Variants in ABCC5 observed in about 807,000 individuals in gnomAD.
ABCC5 encodes ATP binding cassette subfamily C member 5.
In ABCC5, 61 loss-of-function variants were observed where a neutral mutation model predicts 160.9. That is an observed-to-expected ratio of 0.38 (90% CI 0.31 to 0.47). The LOEUF is 0.47. Ranked by LOEUF, ABCC5 falls within the 20% of genes least tolerant of loss-of-function variation. The pLI, the probability that ABCC5 is intolerant of heterozygous loss-of-function variation, is 0.99. For missense variants in ABCC5, 1,308 were observed against 1,813.3 expected, an observed-to-expected ratio of 0.72 and a Z score of 5.06; for synonymous variants, 666 against 700.6, an observed-to-expected ratio of 0.95 and a Z score of 0.78.
At position 183,965,554 on chromosome 3, in the gene ABCC5, T is replaced by C. The variant is rs537936144; in HGVS notation, c.1834-53A>G. ...ATCATAACTCAAAACCATCACCCTA[T>C]GCCAACGGAACCCCCACCTTCCACA... is the stretch of plus-strand genomic sequence containing the variant. On this transcript the variant is annotated intron_variant, in intron 12 of 29. Coordinates refer to ENST00000334444, the MANE Select transcript of ABCC5 (RefSeq NM_005688.4). 8.4e-5 allele frequency: 134 copies of C among 1,602,282 alleles called. No homozygotes were observed. The Middle Eastern group carries it at 1.7e-3, about 20-fold the overall frequency.
chr3:183,969,522 T>C (rs557253878), intron 11 of ABCC5, among the ~76,000 whole-genome samples: 1 of 152,050 alleles, frequency 6.6e-6, no homozygotes, highest in Non-Finnish European at 1.5e-5. Context: ...TGAAACCCCG[T>C]CTCTACTAAA....
At chr3:183,957,026 C>T (rs1257000094) in intron 17 of ABCC5, among the ~76,000 whole-genome samples, 1 of 143,868 alleles carries the variant, frequency 7.0e-6, no homozygotes, top group East Asian at 2.1e-4. Context: ...GTGTGTACAT[C>T]ACATCGGTTA....
chr3:183,947,425 T>G lies in ABCC5; in HGVS notation c.3313A>C (p.Ile1105Leu), dbSNP rs199569867. Residue 1105 changes from isoleucine (I) to leucine (L), a missense_variant, in exon 23 of 30, where the codon ATC becomes CTC. By Grantham distance (5) the Ile-to-Leu change is conservative. Coordinates refer to ENST00000334444, the MANE Select transcript of ABCC5 (RefSeq NM_005688.4). ...GTGGTGGTGATGAGGGCGATGCTGA[T>G]GAGGTCCAGCCGCACAGCCAGCCAC... ...MRWLAVRLDL[I>L]SIALITTTGL... 2.5e-6 allele frequency: 4 copies of G among 1,613,666 alleles called. No homozygotes were observed. Among genetic ancestry groups the G allele is most frequent in the Non-Finnish European group, 3.4e-6 (4 of 1,179,802 alleles).
intron 12 of ABCC5, among the ~76,000 whole-genome samples, chr3:183,966,608 A>G (rs1311290480): frequency 1.3e-5 from 2 of 150,962 alleles, no homozygotes; most frequent in Non-Finnish European, 3.0e-5. Context: ...CCCTCCCCCC[A>G]TCTCTGTCTC....
intron 2 of ABCC5, among the ~76,000 whole-genome samples, chr3:184,003,061 G>A (rs527307722): frequency 9.9e-5 from 15 of 152,052 alleles, no homozygotes; most frequent in Non-Finnish European, 1.9e-4. Context: ...GACAATGGGC[G>A]CCTCTTCAAA....
In ABCC5 at chr3:183,963,313, T is replaced by C. The variant is rs559889628; in HGVS notation, c.2235+72A>G. On this transcript the variant is annotated intron_variant, in intron 15 of 29. Transcript: ENST00000334444. The surrounding 1 kb of genome is among the most constrained non-coding windows in gnomAD (Gnocchi z 4.6). ...TTTCTAGTTATAACACAAGGATACC[T>C]GGAGCAAACCTACCTCCCTGTTTCT... is the stretch of plus-strand genomic sequence containing the variant. 6 of 1,518,452 alleles carry C rather than the reference T, an allele frequency of 4.0e-6. No homozygotes were observed. Among genetic ancestry groups the C allele is most frequent in the Non-Finnish European group, 5.5e-6 (6 of 1,093,964 alleles). 94.1% of individuals were successfully genotyped at this position (1,518,452 alleles called of 1,614,324 possible).
Position 183,961,552 on chromosome 3 carries a change from T to C in ABCC5, c.2338A>G (p.Ile780Val). Reference protein sequence around the residue: ...LMNLNGDYATIFNNLLLGETP... With the variant: ...LMNLNGDYATVFNNLLLGETP... Reference sequence around the variant, plus strand: ...TCTCCCAGCAACAGGTTATTAAAAATGGTAGCATAGTCACCATTTAAATTC... The same window carrying C: ...TCTCCCAGCAACAGGTTATTAAAAACGGTAGCATAGTCACCATTTAAATTC... The change falls in exon 16 of 30, where the codon ATT (isoleucine) becomes GTT (valine). Residue 780 changes from isoleucine (I) to valine (V), a missense_variant. Ile to Val is a conservative substitution (Grantham distance 29, BLOSUM62 3). Transcript: ENST00000334444. 6.2e-7 allele frequency: 1 copy of C among 1,614,216 alleles called. No individual in the cohort carries two copies. The highest frequency in any genetic ancestry group is 1.3e-5 in the African/African-American group (1 of 75,056).
At chr3:183,959,253 C>T (rs1167289226) in intron 17 of ABCC5, among the ~76,000 whole-genome samples, 3 of 152,080 alleles carry the variant, frequency 2.0e-5, no homozygotes, top group Non-Finnish European at 4.4e-5. Flanking sequence ...TAGGAAAAAC[C>T]CCTCTCTGTC....
intron 24 of ABCC5, among the ~76,000 whole-genome samples, chr3:183,944,554 A>G (rs918947352): frequency 2.1e-4 from 32 of 152,230 alleles, no homozygotes; most frequent in Non-Finnish European, 4.1e-4. Context: ...CAGTTCAATA[A>G]AATAGATAAC....
At chr3:183,938,455 T>C (rs1221347828) in intron 25 of ABCC5, among the ~76,000 whole-genome samples, 1 of 152,146 alleles carries the variant, frequency 6.6e-6, no homozygotes, top group East Asian at 1.9e-4. Flanking sequence ...CGCGTCACCA[T>C]GCCCAGATAA....
chr3:183,979,294 G>A (rs1012492650), intron 8 of ABCC5, among the ~76,000 whole-genome samples: 2 of 150,530 alleles, frequency 1.3e-5, no homozygotes, highest in African/African-American at 2.4e-5. Context: ...GCAGTGCACC[G>A]AGATTGCACC....
At chr3:183,933,487 G>A (rs1459806742) in intron 26 of ABCC5, among the ~76,000 whole-genome samples, 3 of 152,128 alleles carry the variant, frequency 2.0e-5, no homozygotes, top group Admixed American at 6.5e-5. Context: ...AGAAGGTGGG[G>A]AAAGCTAGGG....
At chr3:183,967,345 A>G (rs1449192940) in intron 12 of ABCC5, 2 of 246,146 alleles carry the variant, frequency 8.1e-6, no homozygotes, top group African/African-American at 4.5e-5. Context: ...CTCTGTTGGC[A>G]GCGCTGCAGT....
At chr3:184,007,268 C>T (rs1721300450) in intron 2 of ABCC5, among the ~76,000 whole-genome samples, 1 of 151,672 alleles carries the variant, frequency 6.6e-6, no homozygotes, top group Non-Finnish European at 1.5e-5. Context: ...GATCTGCCCG[C>T]CTCGGCCTCC....
chr3:183,940,462 G>GAAAAAAAAA lies in ABCC5; in HGVS notation c.3694+2256_3694+2264dup, dbSNP rs537025178. ...GCAACAGACTGAGACTCTGTCTCAG[G>GAAAAAAAAA]AAAAAAAAAAAAAAAAAAAAAAAAA... is the stretch of plus-strand genomic sequence containing the variant. On this transcript the variant is annotated intron_variant, in intron 25 of 29. Coordinates refer to ENST00000334444, the MANE Select transcript of ABCC5 (RefSeq NM_005688.4). Among the ~76,000 whole-genome samples the GAAAAAAAAA allele has an allele frequency of 2.5e-4, 16 of 64,620 alleles. 2 individuals carry two copies. Among genetic ancestry groups the GAAAAAAAAA allele is most frequent in the Non-Finnish European group, 4.1e-4 (14 of 33,804 alleles). 42.4% of individuals were successfully genotyped at this position (64,620 alleles called of 152,430 possible). A position where few individuals can be genotyped will look rare whatever the true frequency, so the allele number is the denominator to read the frequency against.
chr3:183,980,641 A>G (rs1718631954), intron 8 of ABCC5, among the ~76,000 whole-genome samples: 2 of 152,104 alleles, frequency 1.3e-5, no homozygotes, highest in African/African-American at 4.8e-5. Flanking sequence ...TAGATTCCAG[A>G]ATTGGACATC....
chr3:184,007,922 A>G (rs1027116462), intron 2 of ABCC5, among the ~76,000 whole-genome samples: 3 of 152,220 alleles, frequency 2.0e-5, no homozygotes, highest in South Asian at 2.1e-4. Context: ...TTGATGCTCA[A>G]TACCAACAAG....
Position 183,942,772 on chromosome 3 carries a change from TC to T in ABCC5, c.3648del (p.Ile1217SerfsTer40). The T allele has an allele frequency of 6.2e-7, 1 of 1,614,194 alleles. No homozygotes were observed. The highest frequency in any genetic ancestry group is 8.5e-7 in the Non-Finnish European group (1 of 1,180,018). ...LPLVLKKVSF[T>X]IKPKEKIGIV... is the part of the protein sequence containing the mutation. The stretch of plus-strand genomic sequence containing the variant: ...ATGCCAATCTTCTCTTTAGGTTTGA[TC>T]GTGAAGGATACTTTCTTTAGGACGA... On this transcript the variant is annotated frameshift_variant, in exon 25 of 30. Coordinates refer to ENST00000334444, the MANE Select transcript of ABCC5 (RefSeq NM_005688.4). LOFTEE classifies it high-confidence loss of function.
chr3:183,991,619 C>T (rs2108875760), intron 2 of ABCC5, among the ~76,000 whole-genome samples: 1 of 152,352 alleles, frequency 6.6e-6, no homozygotes, highest in African/African-American at 2.4e-5. Flanking sequence ...CTGCAAAGCA[C>T]ACTCCTTTCC....
Sources: allele counts gnomAD v4.1 joint callset (sites outside exome capture counted in the v4.1 genomes callset), GRCh38; gene constraint gnomAD v4.1.1; non-coding constraint Gnocchi (gnomAD v3.1); transcripts MANE v1.5; gene names NCBI Gene and HGNC (gene_info 2026-07-23, HGNC 2026-07-21).